The following C1orf105 variants were observed in gnomAD, a reference collection of about 807,000 sequenced individuals.
C1orf105 encodes the protein uncharacterized protein C1orf105.
C1orf105 carries 17 observed loss-of-function variants against 20.8 expected under a neutral mutation model. That is an observed-to-expected ratio of 0.82 (90% CI 0.56 to 1.23). C1orf105 has a LOEUF of 1.23. Among genes scored for constraint, C1orf105 ranks in the 50% most tolerant of loss-of-function variants. C1orf105 has a pLI of 0.00. For missense variants in C1orf105, 219 were observed against 213.5 expected, an observed-to-expected ratio of 1.03 and a Z score of -0.16; for synonymous variants, 72 against 72.1, an observed-to-expected ratio of 1.00 and a Z score of 0.01.
In C1orf105 at chr1:172,468,642, C is replaced by T. The variant is rs909555532; in HGVS notation, c.*48C>T. On this transcript the variant is annotated 3_prime_UTR_variant, in exon 7 of 7. Transcript: ENST00000367727. Reference sequence around the variant, plus strand: ...CAGACTCCCAGAGAGAAAATAACCTCGCCAAGCCAATCTTTGACACTGGCA... The same window carrying T: ...CAGACTCCCAGAGAGAAAATAACCTTGCCAAGCCAATCTTTGACACTGGCA... The T allele has an allele frequency of 5.1e-6, 8 of 1,561,934 alleles. No homozygotes were observed. The highest frequency in any genetic ancestry group is 1.2e-5 in the South Asian group (1 of 84,604).
intron 1 of C1orf105, among the ~76,000 whole-genome samples, chr1:172,431,597 A>G (rs2071875626): frequency 1.3e-5 from 2 of 152,256 alleles, no homozygotes; most frequent in African/African-American, 2.4e-5. Context: ...AGATCTAGCT[A>G]AGAACATTGA....
intron 3 of C1orf105, 136 bp from the exon 4 acceptor site, chr1:172,456,279 G>A: frequency 1.4e-6 from 1 of 738,420 alleles, no homozygotes; most frequent in Non-Finnish European, 2.4e-6. Context: ...GGATGGGGCT[G>A]AGACCAGAGT....
At chr1:172,455,214 C>T (rs888580877) in intron 3 of C1orf105, among the ~76,000 whole-genome samples, 1 of 152,144 alleles carries the variant, frequency 6.6e-6, no homozygotes, top group African/African-American at 2.4e-5. Context: ...CTCAAACCCC[C>T]CATGATGCAT....
intron 4 of C1orf105, among the ~76,000 whole-genome samples, chr1:172,458,477 G>A (rs911963838): frequency 6.6e-6 from 1 of 152,004 alleles, no homozygotes; most frequent in African/African-American, 2.4e-5. Flanking sequence ...AAATTATTTA[G>A]GAATAAATTT....
chr1:172,427,443 T>C lies in C1orf105; in HGVS notation c.21+6537T>C, dbSNP rs1166520069. Among the ~76,000 whole-genome samples, 6 of 152,338 alleles carry C rather than the reference T, an allele frequency of 3.9e-5. No homozygotes were observed. In the East Asian group the frequency reaches 7.7e-4, roughly 20 times the overall value. ...CAAACATGCTATCATTTTTTTGGTCTTCACTTTCCCTTTCAGTTTCTGTCC... is the reference window on the plus strand; with the variant it reads ...CAAACATGCTATCATTTTTTTGGTCCTCACTTTCCCTTTCAGTTTCTGTCC... On this transcript the variant is annotated intron_variant, in intron 1 of 6. Coordinates refer to ENST00000367727, the MANE Select transcript of C1orf105 (RefSeq NM_139240.4).
At position 172,453,066 on chromosome 1, in the gene C1orf105, C is replaced by T. The variant is rs7532205; in HGVS notation, c.199-3349C>T. 68 of 1,550,522 alleles carry T rather than the reference C, an allele frequency of 4.4e-5. No homozygotes were observed. The South Asian group carries it at 6.3e-4, about 14-fold the overall frequency. On this transcript the variant is annotated intron_variant, in intron 3 of 6. Transcript: ENST00000367727. ...CAGGACATGGCGTCTCAAATGTTTGCGTCGCCTTTAAAGTAGCCTGTCACA... is the reference window on the plus strand; with the variant it reads ...CAGGACATGGCGTCTCAAATGTTTGTGTCGCCTTTAAAGTAGCCTGTCACA...
In C1orf105 at chr1:172,468,800, G is replaced by T. The variant is rs1650251096; in HGVS notation, c.*206G>T. The T allele has an allele frequency of 4.6e-6, 2 of 432,248 alleles. No homozygotes were observed. The highest frequency in any genetic ancestry group is 4.1e-6 in the Non-Finnish European group (1 of 243,622). 26.8% of individuals were successfully genotyped at this position (432,248 alleles called of 1,614,324 possible). On this transcript the variant is annotated 3_prime_UTR_variant, in exon 7 of 7. Transcript: ENST00000367727. Reference sequence around the variant, plus strand: ...AAAGACAAAATTGTTTAATTTACATGATTATAAAGATCTGTTTATGAAAAT... The same window carrying T: ...AAAGACAAAATTGTTTAATTTACATTATTATAAAGATCTGTTTATGAAAAT...
At chr1:172,442,963 A>C (rs572687067) in intron 1 of C1orf105, 3 of 215,752 alleles carry the variant, frequency 1.4e-5, no homozygotes, top group African/African-American at 7.0e-5. Flanking sequence ...GGGACATTAA[A>C]ACTGCATTTC....
intron 3 of C1orf105, chr1:172,452,707 G>A (rs1413350752): frequency 1.1e-6 from 1 of 874,564 alleles, no homozygotes; most frequent in Non-Finnish European, 1.4e-6. Flanking sequence ...TGTGTTTTTG[G>A]CTTCTGGGGA....
chr1:172,456,212 T>C (rs989889618), intron 3 of C1orf105, among the ~76,000 whole-genome samples: 1 of 152,058 alleles, frequency 6.6e-6, no homozygotes, highest in African/African-American at 2.4e-5. Context: ...CACTCCCTCC[T>C]GCCTAAACTC....
At position 172,452,764 on chromosome 1, in the gene C1orf105, C is replaced by T. The variant is rs766486839; in HGVS notation, c.199-3651C>T. The T allele has an allele frequency of 2.6e-4, 341 of 1,308,826 alleles. 1 individual carries two copies. The Middle Eastern group carries it at 5.0e-3, about 19-fold the overall frequency. The allele number at this position is 1,308,826 out of a possible 1,614,324, so 81.1% of individuals were successfully genotyped here. A position where few individuals can be genotyped will look rare whatever the true frequency, so the allele number is the denominator to read the frequency against. ...CCTTGGCCAGGCTACACATAGGTTG[C>T]TGTCACTCTCCTGTCACAACTGCCA... On this transcript the variant is annotated intron_variant, in intron 3 of 6. Transcript: ENST00000367727.
At chr1:172,438,796 T>C (rs947291088) in intron 1 of C1orf105, among the ~76,000 whole-genome samples, 1 of 152,142 alleles carries the variant, frequency 6.6e-6, no homozygotes, top group African/African-American at 2.4e-5. Flanking sequence ...GCAAACTTCA[T>C]TATTGTCTTA....
At chr1:172,434,309 A>T (rs2071966694) in intron 1 of C1orf105, among the ~76,000 whole-genome samples, 1 of 152,236 alleles carries the variant, frequency 6.6e-6, no homozygotes, top group Non-Finnish European at 1.5e-5. Flanking sequence ...CATTCTTTTC[A>T]GCAGCACATC....
chr1:172,459,210 A>G (rs1209591176), intron 4 of C1orf105, among the ~76,000 whole-genome samples: 1 of 152,188 alleles, frequency 6.6e-6, no homozygotes, highest in Non-Finnish European at 1.5e-5. Flanking sequence ...TAAAAATTTT[A>G]AACTTTTGTT....
chr1:172,427,322 T>G (rs576210391), intron 1 of C1orf105, among the ~76,000 whole-genome samples: 17 of 152,244 alleles, frequency 1.1e-4, no homozygotes, highest in Non-Finnish European at 2.2e-4. Context: ...GCTTTGCACT[T>G]GTGCACTTAT....
At chr1:172,445,042 A>G (rs771863735) in intron 1 of C1orf105, 31 bp from the exon 2 acceptor site, 4 of 1,556,912 alleles carry the variant, frequency 2.6e-6, no homozygotes, top group Non-Finnish European at 3.5e-6. Flanking sequence ...AGTGTGATAT[A>G]TTCTGTAAAA....
intron 1 of C1orf105, chr1:172,444,052 C>T (rs2149171867): frequency 3.0e-6 from 3 of 999,546 alleles, no homozygotes; most frequent in East Asian, 1.1e-4. Context: ...CGCTTCGGGG[C>T]GCCGGGGCTG....
chr1:172,421,556 T>TA (rs1428341176), intron 1 of C1orf105, among the ~76,000 whole-genome samples: 2 of 151,908 alleles, frequency 1.3e-5, no homozygotes, highest in Non-Finnish European at 2.9e-5. Flanking sequence ...CATGATAAAG[T>TA]AAAAAAATCC....
chr1:172,458,443 C>T (rs190394439), intron 4 of C1orf105, among the ~76,000 whole-genome samples: 195 of 152,056 alleles, frequency 1.3e-3, no homozygotes, highest in Non-Finnish European at 2.1e-3. Context: ...ATGAAGAAAA[C>T]AATGCCATTT....
Sources: gnomAD v4.1 joint callset for allele counts (sites outside exome capture counted in the v4.1 genomes callset) on GRCh38, gnomAD v4.1.1 for gene constraint, MANE v1.5 for transcripts, NCBI Gene and HGNC (gene_info 2026-07-23, HGNC 2026-07-21) for gene names.